GANC: variants seen among roughly 807,000 people sequenced by gnomAD.
The protein encoded by GANC is neutral alpha-glucosidase C.
A neutral mutation model predicts 124.2 loss-of-function variants in GANC; 117 were observed. The observed-to-expected ratio is 0.94, with a 90% CI of 0.81 to 1.10. The LOEUF is 1.10. GANC is among the 50% of genes least tolerant of loss of function. The pLI is 0.00. For missense variants in GANC, 1,140 were observed against 1,095.0 expected (o/e 1.04, Z -0.58); for synonymous variants, 377 against 376.8 (o/e 1.00, Z -0.01).
intron 8 of GANC, among the ~76,000 whole-genome samples, chr15:42,309,185 G>A (rs1409556618): frequency 1.3e-5 from 2 of 152,300 alleles, no homozygotes; most frequent in East Asian, 3.9e-4. Context: ...TTCAGGTGCT[G>A]TTTACTTTCA....
chr15:42,289,087 G>A (rs1341443613), intron 4 of GANC, among the ~76,000 whole-genome samples: 2 of 152,288 alleles, frequency 1.3e-5, no homozygotes, highest in East Asian at 3.9e-4. Flanking sequence ...TCTGTACTGA[G>A]TTCTTTCTAG....
rs779887001 is a variant in GANC, at chr15:42,287,835, G to A, written c.329+17G>A. 1.3e-6 allele frequency: 2 copies of A among 1,598,286 alleles called. No homozygotes were observed. Among genetic ancestry groups the A allele is most frequent in the Admixed American group, 3.7e-5 (2 of 54,372 alleles). On this transcript the variant is annotated intron_variant, in intron 4 of 23. Coordinates refer to ENST00000318010, the MANE Select transcript of GANC (RefSeq NM_198141.3). The stretch of plus-strand genomic sequence containing the variant: ...CACTGTAAGGTAAGCCAAGGAGCGA[G>A]GTATTTTAGAGACACGCTTGATATA...
chr15:42,327,327 G>C (rs760293953), intron 12 of GANC, 36 bp from the exon 13 acceptor site: 1 of 1,516,928 alleles, frequency 6.6e-7, no homozygotes, highest in Non-Finnish European at 9.1e-7. Context: ...GAGGACCACT[G>C]TTCTTGACAG....
chr15:42,281,079 G>A (rs185832038), intron 3 of GANC: 8 of 702,432 alleles, frequency 1.1e-5, no homozygotes, highest in Middle Eastern at 2.3e-4. Context: ...CATCAGCAAC[G>A]TAGCTCCCAA....
intron 18 of GANC, among the ~76,000 whole-genome samples, chr15:42,341,477 A>C (rs2052328923): frequency 6.6e-6 from 1 of 152,166 alleles, no homozygotes; most frequent in Admixed American, 6.5e-5. Context: ...TCAAATCCAG[A>C]ACATAGAATT....
At chr15:42,330,074 A>G (rs2052230097) in intron 14 of GANC, among the ~76,000 whole-genome samples, 3 of 152,056 alleles carry the variant, frequency 2.0e-5, no homozygotes, top group Admixed American at 2.0e-4. Context: ...CCTCTTACCT[A>G]TTGGTATTTT....
At position 42,333,023 on chromosome 15, in the gene GANC, A is replaced by ATAT. The variant is rs1566959663; in HGVS notation, c.1741+2351_1741+2352insTAT. 5.1e-4 allele frequency among the ~76,000 whole-genome samples: 72 copies of ATAT among 140,468 alleles called. No individual in the cohort carries two copies. In the East Asian group the frequency reaches 9.3e-3, roughly 18 times the overall value. The allele number at this position is 140,468 out of a possible 152,430, so 92.2% of individuals were successfully genotyped here. A position where few individuals can be genotyped will look rare whatever the true frequency, so the allele number is the denominator to read the frequency against. Reference sequence around the variant, plus strand: ...ACAAGAGCAAAACTCTGTCTCAAAAAATATATATATATATATTTTTTTTGG... The same window carrying ATAT: ...ACAAGAGCAAAACTCTGTCTCAAAAATATATATATATATATATATTTTTTTTGG... On this transcript the variant is annotated intron_variant, in intron 15 of 23. Transcript: ENST00000318010.
At chr15:42,340,893 G>A in intron 18 of GANC, 139 bp downstream of exon 18, 1 of 644,544 alleles carries the variant, frequency 1.6e-6, no homozygotes, top group Non-Finnish European at 2.6e-6. Context: ...AGCCTCCTGA[G>A]CAGCTGGGAT....
chr15:42,319,619 C>T (rs1384095535), intron 10 of GANC, among the ~76,000 whole-genome samples: 1 of 152,100 alleles, frequency 6.6e-6, no homozygotes, highest in African/African-American at 2.4e-5. Flanking sequence ...CTTAGCCTTC[C>T]AAAGCACTGA....
intron 18 of GANC, among the ~76,000 whole-genome samples, 183 bp from the exon 19 acceptor site, chr15:42,342,895 G>A (rs964356450): frequency 6.6e-6 from 1 of 150,708 alleles, no homozygotes; most frequent in Non-Finnish European, 1.5e-5. Context: ...CTCTTTGAGC[G>A]CCTGCCCTCT....
At position 42,321,901 on chromosome 15, in the gene GANC, TATG is replaced by T. The variant is rs746575547; in HGVS notation, c.1178_1180del (p.Asp393del). The T allele has an allele frequency of 1.2e-4, 188 of 1,614,168 alleles. No homozygotes were observed. Among genetic ancestry groups the T allele is most frequent in the Non-Finnish European group, 5.1e-6 (6 of 1,180,028 alleles). On this transcript the variant is annotated inframe_deletion, in exon 11 of 24. Coordinates refer to ENST00000318010, the MANE Select transcript of GANC (RefSeq NM_198141.3). ...AGGGTTTGATGAGCATGACATTCCT[TATG>T]ATGCCATGTGGCTGGACATAGAGCA... is the stretch of plus-strand genomic sequence containing the variant.
chr15:42,295,071 A>G (rs1040042706), intron 5 of GANC, among the ~76,000 whole-genome samples: 1 of 149,482 alleles, frequency 6.7e-6, no homozygotes, highest in South Asian at 2.1e-4. Context: ...TCCTGGGTTC[A>G]TGCCATTCTC....
At chr15:42,297,571 C>T (rs776955984) in intron 5 of GANC, 40 bp from the exon 6 acceptor site, 63 of 1,542,980 alleles carry the variant, frequency 4.1e-5, no homozygotes, top group Non-Finnish European at 2.7e-6. Context: ...TTCTGTCAGT[C>T]TTGCCATTGA....
chr15:42,287,366 C>A (rs2051799771), intron 3 of GANC, among the ~76,000 whole-genome samples: 1 of 152,142 alleles, frequency 6.6e-6, no homozygotes, highest in Admixed American at 6.6e-5. Flanking sequence ...CCACATGTCC[C>A]AATCTTCCAA....
chr15:42,295,180 TAGTC>T (rs1027770237), intron 5 of GANC, among the ~76,000 whole-genome samples: 14 of 151,980 alleles, frequency 9.2e-5, no homozygotes, highest in African/African-American at 2.9e-4. Flanking sequence ...TTCACTGTGT[TAGTC>T]AGGATGATCT....
chr15:42,293,068 G>A, intron 5 of GANC, 151 bp downstream of exon 5: 1 of 676,798 alleles, frequency 1.5e-6, no homozygotes, highest in Non-Finnish European at 2.4e-6. Context: ...TTTCACCTGT[G>A]AAGGTGAATA....
rs777640853 is a variant in GANC, at chr15:42,352,030, A to G, written c.2636A>G (p.Asp879Gly). ...EPSSVTTHSS[D>G]GKDQPVAFTY... ...CCTCTTTTATTGTCTTGCTATTTAG[A>G]TGGTAAAGATCAGCCTGTGGCTTTT... The change falls in exon 24 of 24, where the codon GAT becomes GGT. Residue 879 changes from aspartate to glycine, a missense_variant and splice_region_variant. Physicochemically the swap from Asp to Gly is moderately conservative, Grantham distance 94. Coordinates refer to ENST00000318010, the MANE Select transcript of GANC (RefSeq NM_198141.3). 1 of 1,614,054 alleles carries G rather than the reference A, an allele frequency of 6.2e-7. No individual in the cohort carries two copies. The highest frequency in any genetic ancestry group is 8.5e-7 in the Non-Finnish European group (1 of 1,179,952).
intron 10 of GANC, among the ~76,000 whole-genome samples, chr15:42,318,687 A>G (rs567182187): frequency 6.6e-6 from 1 of 152,164 alleles, no homozygotes; most frequent in Non-Finnish European, 1.5e-5. Flanking sequence ...CCTGGGCTCA[A>G]GCGATCATCA....
At chr15:42,304,750 C>G (rs952296814) in intron 6 of GANC, among the ~76,000 whole-genome samples, 1 of 152,190 alleles carries the variant, frequency 6.6e-6, no homozygotes. Flanking sequence ...CAGCATGGTA[C>G]TGGTACCAAA....
Sources: allele counts gnomAD v4.1 joint callset (sites outside exome capture counted in the v4.1 genomes callset), GRCh38; gene constraint gnomAD v4.1.1; transcripts MANE v1.5; gene names NCBI Gene and HGNC (gene_info 2026-07-23, HGNC 2026-07-21).